The following HS6ST2 variants were observed in gnomAD, a reference collection of about 807,000 sequenced individuals.
HS6ST2 encodes heparan sulfate 6-O-sulfotransferase 2.
A neutral mutation model predicts 33.0 loss-of-function variants in HS6ST2; 17 were observed. That is an observed-to-expected ratio of 0.52 (90% CI 0.35 to 0.77). The LOEUF is 0.77. HS6ST2 is among the 30% of genes least tolerant of loss of function. The pLI, the probability that HS6ST2 is intolerant of heterozygous loss-of-function variation, is 0.01. For synonymous variants in HS6ST2, 248 were observed against 237.1 expected (o/e 1.05, Z -0.42); for missense variants, 519 against 551.7 (o/e 0.94, Z 0.59).
intron 2 of HS6ST2, among the ~76,000 whole-genome samples, chrX:132,813,381 G>A (rs1487164194): frequency 1.8e-5 from 2 of 111,015 alleles, no homozygotes; most frequent in Non-Finnish European, 3.8e-5. Context: ...TTTCCTCATG[G>A]TTCAGGTTGT....
At chrX:132,674,248 A>G (rs886808786) in intron 3 of HS6ST2, among the ~76,000 whole-genome samples, 2 of 111,989 alleles carry the variant, frequency 1.8e-5, no homozygotes, top group Middle Eastern at 4.7e-3. Context: ...AGCCCAGTGT[A>G]ACTATGATCT....
chrX:132,936,607 A>G (rs186278595), intron 2 of HS6ST2, among the ~76,000 whole-genome samples: 1 of 112,113 alleles, frequency 8.9e-6, no homozygotes, highest in Non-Finnish European at 1.9e-5. Flanking sequence ...GGAACAGAAA[A>G]CCAAATATTG....
intron 2 of HS6ST2, among the ~76,000 whole-genome samples, chrX:132,939,191 A>T (rs899690975): frequency 2.7e-5 from 3 of 111,939 alleles, no homozygotes; most frequent in African/African-American, 9.7e-5. Flanking sequence ...AACATTAGGG[A>T]TTACATTTCA....
At chrX:132,752,471 C>CAA (rs751283316) in intron 2 of HS6ST2, among the ~76,000 whole-genome samples, 10,551 of 59,432 alleles carry the variant, frequency 0.18, 891 homozygotes, top group East Asian at 0.37. Context: ...GACTCCGTCT[C>CAA]AAAAAAAAAA....
chrX:132,884,671 C>A (rs1004681183), intron 2 of HS6ST2, among the ~76,000 whole-genome samples: 8 of 111,411 alleles, frequency 7.2e-5, no homozygotes, highest in Non-Finnish European at 1.3e-4. Context: ...ATAAAATTGG[C>A]CAGATTTGGC....
In HS6ST2 at chrX:132,626,113, C is replaced by T. The variant is rs190424657; in HGVS notation, c.*2110G>A. The T allele has an allele frequency of 2.7e-5, 3 of 109,552 alleles. No homozygotes were observed. The highest frequency in any genetic ancestry group is 5.7e-5 in the Non-Finnish European group (3 of 52,260). 9.0% of individuals were successfully genotyped at this position (109,552 alleles called of 1,213,427 possible). On this transcript the variant is annotated 3_prime_UTR_variant, in exon 5 of 5. Transcript: ENST00000370833. ...ATGGACAGATGTTTACAGTTGAAAT[C>T]ATGGGATTTACATAATGGCAAAAAT...
At chrX:132,830,060 T>C (rs2065573367) in intron 2 of HS6ST2, among the ~76,000 whole-genome samples, 1 of 111,779 alleles carries the variant, frequency 8.9e-6, no homozygotes, top group Non-Finnish European at 1.9e-5. Flanking sequence ...CTATGAAGTA[T>C]GGTTATATAA....
chrX:132,681,022 T>C (rs1188973122), intron 3 of HS6ST2, among the ~76,000 whole-genome samples: 1 of 107,097 alleles, frequency 9.3e-6, no homozygotes, highest in Non-Finnish European at 1.9e-5. Context: ...AAAAAAAAAG[T>C]CTTGTGTTTT....
chrX:132,909,946 T>A (rs1468209850), intron 2 of HS6ST2, among the ~76,000 whole-genome samples: 4 of 111,075 alleles, frequency 3.6e-5, no homozygotes, highest in Non-Finnish European at 5.7e-5. Flanking sequence ...CCAAGAATGA[T>A]CATCACTTAA....
At position 132,798,624 on chromosome X, in the gene HS6ST2, A is replaced by G. The variant is rs965731496; in HGVS notation, c.948-90130T>C. Among the ~76,000 whole-genome samples, 4 of 112,005 alleles carry G rather than the reference A, an allele frequency of 3.6e-5. No individual in the cohort carries two copies. The East Asian group carries it at 1.1e-3, about 31-fold the overall frequency. The stretch of plus-strand genomic sequence containing the variant: ...TAGTTAGTTATTTTAAAGGGAAAAA[A>G]GGCTCAGTAAAACTCTACAGAATAC... On this transcript the variant is annotated intron_variant, in intron 2 of 4. Transcript: ENST00000370833.
intron 4 of HS6ST2, among the ~76,000 whole-genome samples, chrX:132,640,869 C>A (rs754046125): frequency 8.9e-6 from 1 of 112,008 alleles, no homozygotes; most frequent in African/African-American, 3.2e-5. Flanking sequence ...ACTTGCATCA[C>A]ATTTCTTTTT....
intron 2 of HS6ST2, among the ~76,000 whole-genome samples, chrX:132,742,713 A>G (rs892109836): frequency 5.9e-4 from 66 of 112,750 alleles, no homozygotes; most frequent in African/African-American, 2.1e-3. Context: ...AAACAATTAC[A>G]TGGATAATCC....
At chrX:132,816,864 G>C (rs1427831596) in intron 2 of HS6ST2, among the ~76,000 whole-genome samples, 3 of 111,493 alleles carry the variant, frequency 2.7e-5, no homozygotes, top group Non-Finnish European at 5.6e-5. Flanking sequence ...ATTAGGCTGA[G>C]AGGCAGACAA....
intron 2 of HS6ST2, among the ~76,000 whole-genome samples, chrX:132,904,416 T>C (rs1434175194): frequency 8.9e-6 from 1 of 111,774 alleles, no homozygotes; most frequent in Non-Finnish European, 1.9e-5. Flanking sequence ...CATAGTGCAA[T>C]ATCTAAGGTC....
At chrX:132,637,827 AT>A (rs1437351018) in intron 4 of HS6ST2, among the ~76,000 whole-genome samples, 5 of 53,128 alleles carry the variant, frequency 9.4e-5, no homozygotes, top group African/African-American at 4.3e-4. Flanking sequence ...TATATATAAT[AT>A]TATATATAAT....
At chrX:132,888,194 TAAAG>T (rs1205268654) in intron 2 of HS6ST2, among the ~76,000 whole-genome samples, 1 of 111,714 alleles carries the variant, frequency 9.0e-6, no homozygotes, top group African/African-American at 3.3e-5. Flanking sequence ...ATGCTGTTAA[TAAAG>T]ACATTCCCGA....
chrX:132,674,282 A>C (rs1202589106), intron 3 of HS6ST2, among the ~76,000 whole-genome samples: 1 of 112,034 alleles, frequency 8.9e-6, no homozygotes, highest in Non-Finnish European at 1.9e-5. Context: ...TCATAAGTTC[A>C]AAGCATTTAT....
chrX:132,646,671 C>T (rs2063646600), intron 4 of HS6ST2, among the ~76,000 whole-genome samples: 1 of 111,316 alleles, frequency 9.0e-6, no homozygotes, highest in African/African-American at 3.3e-5. Flanking sequence ...ACGTAAGAGC[C>T]TTTCAGTGGT....
intron 2 of HS6ST2, among the ~76,000 whole-genome samples, chrX:132,863,491 A>ATT (rs113230236): frequency 0.14 from 12,787 of 94,203 alleles, 942 homozygotes; most frequent in East Asian, 0.33. Flanking sequence ...AGCTAACTTA[A>ATT]TTTTTTTTTT....
Sources: gnomAD v4.1 joint callset for allele counts (sites outside exome capture counted in the v4.1 genomes callset) on GRCh38, gnomAD v4.1.1 for gene constraint, MANE v1.5 for transcripts, NCBI Gene and HGNC (gene_info 2026-07-23, HGNC 2026-07-21) for gene names.